The following ODAD2 variants were observed in gnomAD, a reference collection of about 807,000 sequenced individuals.
The protein encoded by ODAD2 is outer dynein arm docking complex subunit 2.
ODAD2 carries 89 observed loss-of-function variants against 106.8 expected under a neutral mutation model. The observed-to-expected ratio is 0.83, with a 90% confidence interval of 0.70 to 0.99. The LOEUF is 0.99. Among genes scored for constraint, ODAD2 ranks in the 50% least tolerant of loss-of-function variants. The pLI is 0.00. For missense variants in ODAD2, 1,168 were observed against 1,238.5 expected (o/e 0.94, Z 0.85); for synonymous variants, 404 against 436.2 (o/e 0.93, Z 0.92).
At chr10:27,833,534 A>G (rs1205345683) in intron 19 of ODAD2, among the ~76,000 whole-genome samples, 1 of 152,234 alleles carries the variant, frequency 6.6e-6, no homozygotes, top group Non-Finnish European at 1.5e-5. Flanking sequence ...TACGTAGAAG[A>G]AAAATATTGT....
intron 19 of ODAD2, among the ~76,000 whole-genome samples, chr10:27,830,763 A>G (rs1282831944): frequency 6.6e-6 from 1 of 152,034 alleles, no homozygotes; most frequent in African/African-American, 2.4e-5. Context: ...TGGAGATTCA[A>G]TAAAGTCATT....
intron 17 of ODAD2, among the ~76,000 whole-genome samples, chr10:27,878,278 C>A (rs1189861246): frequency 1.3e-5 from 2 of 151,846 alleles, no homozygotes; most frequent in African/African-American, 2.4e-5. Context: ...ACAGATTGCA[C>A]AAATAAGATG....
chr10:27,827,500 C>T (rs1425791376), intron 19 of ODAD2, among the ~76,000 whole-genome samples: 4 of 151,632 alleles, frequency 2.6e-5, no homozygotes, highest in East Asian at 1.9e-4. Flanking sequence ...CAGATTTCTT[C>T]TCTCCTCCTT....
At chr10:27,846,013 A>G (rs1185500022) in intron 19 of ODAD2, among the ~76,000 whole-genome samples, 2 of 152,174 alleles carry the variant, frequency 1.3e-5, no homozygotes, top group Non-Finnish European at 2.9e-5. Context: ...AGACAGACCA[A>G]TGAGACAGAA....
chr10:27,933,574 A>G (rs1036283841), intron 16 of ODAD2, among the ~76,000 whole-genome samples: 8 of 152,196 alleles, frequency 5.3e-5, no homozygotes, highest in African/African-American at 1.7e-4. Context: ...ACAGAGCCCA[A>G]CTGAGAGCAG....
chr10:27,998,960 C>CT (rs1850725996), intron 1 of ODAD2, 34 bp downstream of exon 1: 1 of 157,010 alleles, frequency 6.4e-6, no homozygotes, highest in South Asian at 1.8e-4. Context: ...CGCTCCCAGC[C>CT]TCACCCGGCC....
At chr10:27,855,245 T>C (rs1188531365) in intron 19 of ODAD2, among the ~76,000 whole-genome samples, 3 of 152,292 alleles carry the variant, frequency 2.0e-5, no homozygotes, top group Non-Finnish European at 2.9e-5. Flanking sequence ...GTACATATGA[T>C]ATTAAAGTTA....
chr10:27,863,024 A>G (rs1041029740), intron 17 of ODAD2, among the ~76,000 whole-genome samples: 4 of 152,224 alleles, frequency 2.6e-5, no homozygotes, highest in African/African-American at 9.6e-5. Context: ...GAAACATAGG[A>G]CTAGGTTCCT....
intron 10 of ODAD2, among the ~76,000 whole-genome samples, chr10:27,956,512 G>C (rs1237122236): frequency 6.6e-6 from 1 of 152,186 alleles, no homozygotes; most frequent in African/African-American, 2.4e-5. Context: ...GTTGAACCTA[G>C]AGCTGGTGCC....
chr10:27,912,165 G>A (rs1477215239), intron 16 of ODAD2, among the ~76,000 whole-genome samples: 1 of 152,130 alleles, frequency 6.6e-6, no homozygotes. Context: ...TTTTCAACAG[G>A]TCTACCCCTT....
At chr10:27,885,785 T>TTATATAA (rs1842153036) in intron 17 of ODAD2, among the ~76,000 whole-genome samples, 2 of 27,226 alleles carry the variant, frequency 7.3e-5, no homozygotes, top group South Asian at 1.8e-3. Flanking sequence ...AAAATATATA[T>TTATATAA]TATATATAAT....
At chr10:27,826,050 A>G (rs1837014098) in intron 19 of ODAD2, among the ~76,000 whole-genome samples, 1 of 152,196 alleles carries the variant, frequency 6.6e-6, no homozygotes, top group South Asian at 2.1e-4. Flanking sequence ...ATCAACCATT[A>G]TTATGGTCAT....
At position 27,821,591 on chromosome 10, in the gene ODAD2, G is replaced by A. The variant is rs142477186; in HGVS notation, c.3022-8966C>T. On this transcript the variant is annotated intron_variant, in intron 19 of 19. Coordinates refer to ENST00000305242, the MANE Select transcript of ODAD2 (RefSeq NM_018076.5). ...GGTACAAAATCCTGAATTTGATGTG[G>A]AGCTAATATAAATGAAAGTGCAGTT... is the stretch of plus-strand genomic sequence containing the variant. Among the ~76,000 whole-genome samples the A allele has an allele frequency of 7.5e-3, 1,143 of 152,282 alleles. 45 individuals carry two copies. The highest frequency in any genetic ancestry group is 0.06 in the Admixed American group (912 of 15,298).
intron 17 of ODAD2, among the ~76,000 whole-genome samples, chr10:27,882,173 AAAAGAAAGAAAGAAAGAAAGAAAGAAAG>A (rs377482668): frequency 2.7e-5 from 3 of 109,682 alleles, no homozygotes; most frequent in South Asian, 3.4e-4. Flanking sequence ...GTCATAAAAA[AAAAGAAAGAAAGAAAGAAAGAAAGAAAG>A]AAAGAAAGAA....
intron 7 of ODAD2, among the ~76,000 whole-genome samples, chr10:27,976,444 G>A (rs575328341): frequency 6.6e-6 from 1 of 152,116 alleles, no homozygotes; most frequent in Admixed American, 6.5e-5. Context: ...AAAATCAAGT[G>A]TATATTTATA....
chr10:27,819,088 T>G (rs1419293547), intron 19 of ODAD2, among the ~76,000 whole-genome samples: 1 of 152,220 alleles, frequency 6.6e-6, no homozygotes, highest in Non-Finnish European at 1.5e-5. Context: ...ATTCACAGTC[T>G]CTTCCTTTCT....
intron 16 of ODAD2, among the ~76,000 whole-genome samples, chr10:27,929,387 C>T (rs1331698329): frequency 6.6e-6 from 1 of 152,024 alleles, no homozygotes; most frequent in Non-Finnish European, 1.5e-5. Flanking sequence ...CCTGAGATGA[C>T]TTTGTTTTGA....
At chr10:27,997,656 G>A (rs1317406601) in intron 1 of ODAD2, 1 of 152,144 alleles carries the variant, frequency 6.6e-6, no homozygotes, top group Non-Finnish European at 1.5e-5. Context: ...AAGAAGGTTG[G>A]TGAGTTTAAG....
intron 16 of ODAD2, among the ~76,000 whole-genome samples, chr10:27,930,900 T>C (rs1018502211): frequency 6.6e-6 from 1 of 152,202 alleles, no homozygotes; most frequent in Admixed American, 6.5e-5. Flanking sequence ...TAGTTTCTTT[T>C]TGTGTTACAA....
Sources: gnomAD v4.1 joint callset for allele counts (sites outside exome capture counted in the v4.1 genomes callset) on GRCh38, gnomAD v4.1.1 for gene constraint, MANE v1.5 for transcripts, NCBI Gene and HGNC (gene_info 2026-07-23, HGNC 2026-07-21) for gene names.